The following AR variants were observed in gnomAD, a reference collection of about 807,000 sequenced individuals.
AR encodes the protein androgen receptor.
Under a neutral mutation model 53.9 loss-of-function variants are expected in AR, and 8 were observed. The observed-to-expected ratio is 0.15, with a 90% CI of 0.09 to 0.27. The LOEUF (loss-of-function observed/expected upper bound fraction) is 0.27, where lower values mean the gene tolerates loss of function less well. Ranked by LOEUF, AR falls within the 10% of genes least tolerant of loss-of-function variation. AR has a pLI of 1.00. For missense variants in AR, 639 were observed against 742.5 expected (o/e 0.86, Z 1.62); for synonymous variants, 359 against 316.4 (o/e 1.13, Z -1.43).
intron 3 of AR, among the ~76,000 whole-genome samples, chrX:67,711,017 A>G (rs2076091612): frequency 8.9e-6 from 1 of 112,374 alleles, no homozygotes; most frequent in Non-Finnish European, 1.9e-5. Flanking sequence ...ACCCAGAAGC[A>G]AAGGTCTAAC....
chrX:67,648,643 G>A (rs773168039), intron 2 of AR, among the ~76,000 whole-genome samples: 1 of 112,222 alleles, frequency 8.9e-6, no homozygotes, highest in South Asian at 3.7e-4. Flanking sequence ...CTCTGTCAGT[G>A]CCCAATTCGG....
intron 1 of AR, among the ~76,000 whole-genome samples, chrX:67,576,630 A>G (rs1017461537): frequency 9.0e-6 from 1 of 111,263 alleles, no homozygotes; most frequent in African/African-American, 3.3e-5. Flanking sequence ...CCTTGGTCTC[A>G]GCCTCAGAGG....
At chrX:67,715,148 A>G (rs968748370) in intron 4 of AR, among the ~76,000 whole-genome samples, 2 of 111,136 alleles carry the variant, frequency 1.8e-5, no homozygotes, top group African/African-American at 6.5e-5. Context: ...CACCAGCCAA[A>G]AGCTTTTCTT....
chrX:67,590,690 T>C (rs1318264390), intron 1 of AR, among the ~76,000 whole-genome samples: 2 of 112,254 alleles, frequency 1.8e-5, no homozygotes, highest in African/African-American at 3.2e-5. Flanking sequence ...ATGGATCAGA[T>C]GACTTCTTAA....
intron 2 of AR, among the ~76,000 whole-genome samples, chrX:67,685,054 G>A (rs1228714922): frequency 9.0e-6 from 1 of 111,428 alleles, no homozygotes; most frequent in Non-Finnish European, 1.9e-5. Context: ...GTGAGGGGAT[G>A]CAGAAGCTGA....
chrX:67,693,244 ATTG>A (rs953218813), intron 3 of AR, among the ~76,000 whole-genome samples: 1 of 112,260 alleles, frequency 8.9e-6, no homozygotes, highest in Non-Finnish European at 1.9e-5. Flanking sequence ...GAAAGATTTT[ATTG>A]TTGTTTACTT....
intron 1 of AR, among the ~76,000 whole-genome samples, chrX:67,563,024 A>G (rs1244535689): frequency 8.9e-6 from 1 of 112,116 alleles, no homozygotes; most frequent in Non-Finnish European, 1.9e-5. Context: ...AAGACATTCA[A>G]GAAGAGTCTG....
intron 3 of AR, among the ~76,000 whole-genome samples, chrX:67,698,646 A>C (rs1323934611): frequency 8.9e-6 from 1 of 112,591 alleles, no homozygotes; most frequent in African/African-American, 3.2e-5. Context: ...ACACACCTTT[A>C]TGTTTACTTA....
At chrX:67,597,749 G>T (rs1472002525) in intron 1 of AR, among the ~76,000 whole-genome samples, 1 of 112,027 alleles carries the variant, frequency 8.9e-6, no homozygotes, top group Non-Finnish European at 1.9e-5. Flanking sequence ...TGCTAGTCTT[G>T]CCCTAAAAAT....
chrX:67,723,534 C>CACACACAG (rs1289729607), intron 7 of AR, 152 bp from the exon 8 acceptor site: 2 of 591,492 alleles, frequency 3.4e-6, no homozygotes, highest in Non-Finnish European at 5.6e-6. Flanking sequence ...CACACACACA[C>CACACACAG]ACACACGACC....
At chrX:67,693,990 C>T (rs1447817331) in intron 3 of AR, among the ~76,000 whole-genome samples, 1 of 111,480 alleles carries the variant, frequency 9.0e-6, no homozygotes, top group Non-Finnish European at 1.9e-5. Flanking sequence ...CTTGGACTGG[C>T]ATTTGGATCT....
intron 2 of AR, among the ~76,000 whole-genome samples, chrX:67,657,000 C>G (rs1926623143): frequency 9.1e-6 from 1 of 110,422 alleles, no homozygotes; most frequent in Admixed American, 9.7e-5. Context: ...AGAGAGATCA[C>G]TGTAGCAATT....
At chrX:67,669,303 G>A (rs188202700) in intron 2 of AR, among the ~76,000 whole-genome samples, 2 of 111,448 alleles carry the variant, frequency 1.8e-5, no homozygotes, top group Admixed American at 1.9e-4. Flanking sequence ...TATTGACATA[G>A]TCATTCCAGA....
At chrX:67,566,817 C>CT (rs750815639) in intron 1 of AR, among the ~76,000 whole-genome samples, 1 of 111,501 alleles carries the variant, frequency 9.0e-6, no homozygotes, top group Non-Finnish European at 1.9e-5. Flanking sequence ...AAGTATTACT[C>CT]TTTTTGAGCA....
At chrX:67,694,323 A>G (rs2076009518) in intron 3 of AR, among the ~76,000 whole-genome samples, 1 of 109,672 alleles carries the variant, frequency 9.1e-6, no homozygotes, top group African/African-American at 3.3e-5. Context: ...CTCTTCTCCT[A>G]CATCTTCTCA....
At chrX:67,655,611 C>G (rs145033537) in intron 2 of AR, among the ~76,000 whole-genome samples, 1,126 of 111,132 alleles carry the variant, frequency 0.01, 36 homozygotes, top group Admixed American at 0.085. Context: ...CCCAAGAATT[C>G]TATTGATATA....
At chrX:67,700,854 G>A (rs1218961903) in intron 3 of AR, among the ~76,000 whole-genome samples, 1 of 112,094 alleles carries the variant, frequency 8.9e-6, no homozygotes, top group Non-Finnish European at 1.9e-5. Flanking sequence ...TGGGAAAGTC[G>A]AGGCGACAGA....
At position 67,643,427 on chromosome X, in the gene AR, C is replaced by A; in HGVS notation, c.1768+20C>A. 2 of 1,199,234 alleles carry A rather than the reference C, an allele frequency of 1.7e-6. No homozygotes were observed. Among genetic ancestry groups the A allele is most frequent in the South Asian group, 1.8e-5 (1 of 55,368 alleles). On this transcript the variant is annotated intron_variant, in intron 2 of 7. Transcript: ENST00000374690. ...CTGAAGGTAAAGGGTCTTGCACATG[C>A]ACTTCTCTTTCCCTTTCTCCTTTAC... is the stretch of plus-strand genomic sequence containing the variant.
chrX:67,594,226 T>C (rs1420059489), intron 1 of AR, among the ~76,000 whole-genome samples: 1 of 111,798 alleles, frequency 8.9e-6, no homozygotes, highest in Non-Finnish European at 1.9e-5. Flanking sequence ...AATCCTAGGT[T>C]CAAGCAATCC....
Sources: allele counts gnomAD v4.1 joint callset (sites outside exome capture counted in the v4.1 genomes callset), GRCh38; gene constraint gnomAD v4.1.1; transcripts MANE v1.5; gene names NCBI Gene and HGNC (gene_info 2026-07-23, HGNC 2026-07-21).